The following TAMM41 variants were observed in gnomAD, a reference collection of about 807,000 sequenced individuals.
TAMM41 encodes the protein phosphatidate cytidylyltransferase, mitochondrial.
A neutral mutation model predicts 44.1 loss-of-function variants in TAMM41; 36 were observed. The observed-to-expected ratio is 0.82, with a 90% CI of 0.63 to 1.08. TAMM41 has a LOEUF of 1.08. Ranked by LOEUF, TAMM41 falls within the 50% of genes least tolerant of loss-of-function variation. The probability of loss-of-function intolerance (pLI) is 0.00; values close to 1 mark genes in which losing one functional copy is unlikely to be tolerated. For missense variants in TAMM41, 417 were observed against 404.3 expected, an observed-to-expected ratio of 1.03 and a Z score of -0.27; for synonymous variants, 164 against 153.1, an observed-to-expected ratio of 1.07 and a Z score of -0.53.
chr3:11,766,100 C>T, the TAMM41 span, among the ~76,000 whole-genome samples: 3 of 152,196 alleles, frequency 2.0e-5, no homozygotes, highest in Admixed American at 1.3e-4. Flanking sequence ...ACAAATAAAA[C>T]AATGCCATCA....
the TAMM41 span, among the ~76,000 whole-genome samples, chr3:11,760,979 A>G: frequency 6.6e-6 from 1 of 151,044 alleles, no homozygotes; most frequent in Non-Finnish European, 1.5e-5. Flanking sequence ...ATCCTGGCTA[A>G]CACGGTGAAA....
chr3:11,788,709 G>C (rs1219031462), downstream of TAMM41, among the ~76,000 whole-genome samples: 1 of 152,202 alleles, frequency 6.6e-6, no homozygotes, highest in Non-Finnish European at 1.5e-5. Flanking sequence ...GCCGAGGTGG[G>C]TGGATCACCT....
the TAMM41 span, among the ~76,000 whole-genome samples, chr3:11,731,976 C>T: frequency 2.0e-5 from 3 of 151,868 alleles, no homozygotes; most frequent in Admixed American, 2.0e-4. Context: ...AAGCAATTCT[C>T]ATGCCTCAGC....
At chr3:11,821,550 T>G (rs2078520604) in intron 4 of TAMM41, among the ~76,000 whole-genome samples, 1 of 152,226 alleles carries the variant, frequency 6.6e-6, no homozygotes, top group African/African-American at 2.4e-5. Context: ...ACCACTCACC[T>G]CCCGCTGTGC....
At chr3:11,826,756 C>T (rs1010507618) in intron 4 of TAMM41, 4 of 152,020 alleles carry the variant, frequency 2.6e-5, no homozygotes, top group African/African-American at 9.7e-5. Flanking sequence ...CACCATGTAC[C>T]AGATGAGTGA....
chr3:11,789,029 G>A (rs1393285071), downstream of TAMM41, among the ~76,000 whole-genome samples: 1 of 152,078 alleles, frequency 6.6e-6, no homozygotes, highest in African/African-American at 2.4e-5. Flanking sequence ...AACCACAGCA[G>A]CAACAACCAT....
chr3:11,746,063 G>A, the TAMM41 span, among the ~76,000 whole-genome samples: 4 of 152,180 alleles, frequency 2.6e-5, no homozygotes, highest in Non-Finnish European at 4.4e-5. Flanking sequence ...CACTTTGGGA[G>A]GCCGAGGCAG....
chr3:11,764,683 G>A, the TAMM41 span, among the ~76,000 whole-genome samples: 9 of 151,442 alleles, frequency 5.9e-5, no homozygotes, highest in South Asian at 2.1e-4. Context: ...TAGTAGAGAC[G>A]GGGTTTCACC....
At chr3:11,793,407 T>C (rs1004831112) in intron 7 of TAMM41, among the ~76,000 whole-genome samples, 1 of 152,172 alleles carries the variant, frequency 6.6e-6, no homozygotes, top group African/African-American at 2.4e-5. Flanking sequence ...CTAGTGCAAG[T>C]ATAAATGTGG....
At chr3:11,819,380 A>C (rs146908883) in intron 4 of TAMM41, among the ~76,000 whole-genome samples, 6 of 152,352 alleles carry the variant, frequency 3.9e-5, no homozygotes, top group African/African-American at 1.4e-4. Flanking sequence ...GAACAAAGAC[A>C]GTGATTAAGA....
chr3:11,747,488 A>C, the TAMM41 span, among the ~76,000 whole-genome samples: 2 of 152,134 alleles, frequency 1.3e-5, no homozygotes, highest in Non-Finnish European at 2.9e-5. Context: ...TACTTCAAAG[A>C]TGGGGCACGG....
the TAMM41 span, among the ~76,000 whole-genome samples, chr3:11,724,380 G>A: frequency 2.0e-5 from 3 of 151,324 alleles, no homozygotes; most frequent in Admixed American, 6.6e-5. Context: ...TGGGATTACA[G>A]GCATGAGCCA....
At chr3:11,770,665 G>A in the TAMM41 span, among the ~76,000 whole-genome samples, 1 of 152,156 alleles carries the variant, frequency 6.6e-6, no homozygotes, top group East Asian at 1.9e-4. Flanking sequence ...CGATTGGCTG[G>A]CAGCTGAGAC....
the TAMM41 span, among the ~76,000 whole-genome samples, chr3:11,754,228 A>G: frequency 6.6e-6 from 1 of 151,792 alleles, no homozygotes; most frequent in Non-Finnish European, 1.5e-5. Context: ...TCATCTGTCA[A>G]TCTCCTCCAC....
the TAMM41 span, among the ~76,000 whole-genome samples, chr3:11,767,626 A>AGTTTTTTTTTTTTTTTTTTTT: frequency 1.6e-5 from 1 of 60,692 alleles, no homozygotes. Context: ...CACGTTGTGC[A>AGTTTTTTTTTTTTTTTTTTTT]TTTTTTTTTT....
At chr3:11,731,629 C>T in the TAMM41 span, among the ~76,000 whole-genome samples, 11 of 152,238 alleles carry the variant, frequency 7.2e-5, no homozygotes, top group South Asian at 2.1e-4. Context: ...TTAGTACAGA[C>T]GGGGGAAAAG....
chr3:11,798,308 C>T (rs2077660192), intron 7 of TAMM41, among the ~76,000 whole-genome samples: 2 of 152,166 alleles, frequency 1.3e-5, no homozygotes, highest in African/African-American at 2.4e-5. Context: ...CCATGGAATA[C>T]TATGCAGCCA....
chr3:11,755,953 A>G, the TAMM41 span, among the ~76,000 whole-genome samples: 6 of 152,190 alleles, frequency 3.9e-5, no homozygotes, highest in East Asian at 1.2e-3. Context: ...GGGGCAAAAC[A>G]TGTTTGGACA....
chr3:11,841,382 C>G (rs1458776187), intron 2 of TAMM41, among the ~76,000 whole-genome samples: 1 of 152,080 alleles, frequency 6.6e-6, no homozygotes, highest in South Asian at 2.1e-4. Context: ...CGTGCCCGGA[C>G]AGTTAAGCCT....
Sources: allele counts gnomAD v4.1 joint callset (sites outside exome capture counted in the v4.1 genomes callset), GRCh38; gene constraint gnomAD v4.1.1; transcripts MANE v1.5; gene names NCBI Gene and HGNC (gene_info 2026-07-23, HGNC 2026-07-21).